Variants in OSBPL6 observed in about 807,000 individuals in gnomAD.
OSBPL6 encodes the protein oxysterol binding protein like 6.
Under a neutral mutation model 125.8 loss-of-function variants are expected in OSBPL6, and 49 were observed. That is an observed-to-expected ratio of 0.39 (90% CI 0.31 to 0.49). The LOEUF (loss-of-function observed/expected upper bound fraction) is 0.49, where lower values mean the gene tolerates loss of function less well. Ranked by LOEUF, OSBPL6 falls within the 20% of genes least tolerant of loss-of-function variation. The pLI, the probability that OSBPL6 is intolerant of heterozygous loss-of-function variation, is 0.88. For synonymous variants in OSBPL6, 394 were observed against 391.8 expected (o/e 1.01, Z -0.07); for missense variants, 986 against 1,135.4 (o/e 0.87, Z 1.89).
At position 178,399,111 on chromosome 2, in the gene OSBPL6, T is replaced by C. The variant is rs1696016345; in HGVS notation, c.*3552T>C. On this transcript the variant is annotated 3_prime_UTR_variant, in exon 25 of 25. Coordinates refer to ENST00000190611, the MANE Select transcript of OSBPL6 (RefSeq NM_032523.4). ...CAGTAAATAAAGTTTGTGTACAAAA[T>C]ACTAGTTTATTTCTATGGGAGCCAT... 1.3e-5 allele frequency: 2 copies of C among 152,120 alleles called. No individual in the cohort carries two copies. Among genetic ancestry groups the C allele is most frequent in the Admixed American group, 1.3e-4 (2 of 15,256 alleles). The allele number at this position is 152,120 out of a possible 1,614,324, so 9.4% of individuals were successfully genotyped here.
At position 178,395,963 on chromosome 2, in the gene OSBPL6, TC is replaced by T; in HGVS notation, c.*408del. On this transcript the variant is annotated 3_prime_UTR_variant, in exon 25 of 25. Coordinates refer to ENST00000190611, the MANE Select transcript of OSBPL6 (RefSeq NM_032523.4). ...ATTGTTCCACTGTCTGGAAGCACCATCCCCTATCGCAGGACTCCTGGGCCAC... is the reference window on the plus strand; with the variant it reads ...ATTGTTCCACTGTCTGGAAGCACCATCCCTATCGCAGGACTCCTGGGCCAC... 5.5e-6 allele frequency: 2 copies of T among 360,714 alleles called. No individual in the cohort carries two copies. Among genetic ancestry groups the T allele is most frequent in the South Asian group, 2.2e-5 (1 of 44,506 alleles). 22.3% of individuals were successfully genotyped at this position (360,714 alleles called of 1,614,324 possible).
At chr2:178,290,724 C>G (rs334622) in intron 2 of OSBPL6, among the ~76,000 whole-genome samples, 1 of 151,788 alleles carries the variant, frequency 6.6e-6, no homozygotes, top group Non-Finnish European at 1.5e-5. Flanking sequence ...TTCTAAGCAG[C>G]CTGGTTCTTT....
In OSBPL6 at chr2:178,347,479, G is replaced by A. The variant is rs1836204; in HGVS notation, c.988-1745G>A. ...TAATCTCCAGCAACTTTTCCATGGA[G>A]TCTGTGTCCCTCAATGGGCTGACTG... On this transcript the variant is annotated intron_variant, in intron 11 of 24. Coordinates refer to ENST00000190611, the MANE Select transcript of OSBPL6 (RefSeq NM_032523.4). Among the ~76,000 whole-genome samples, 193 of 152,242 alleles carry A rather than the reference G, an allele frequency of 1.3e-3. 1 individual carries two copies. The highest frequency in any genetic ancestry group is 4.5e-3 in the African/African-American group (188 of 41,536).
intron 1 of OSBPL6, among the ~76,000 whole-genome samples, chr2:178,211,528 T>A (rs562022526): frequency 6.6e-6 from 1 of 152,130 alleles, no homozygotes; most frequent in Admixed American, 6.5e-5. Flanking sequence ...CAGAGCAAGA[T>A]TGCTTCCGGC....
chr2:178,345,613 A>G (rs1469204874), intron 11 of OSBPL6, among the ~76,000 whole-genome samples: 4 of 152,238 alleles, frequency 2.6e-5, no homozygotes, highest in Non-Finnish European at 4.4e-5. Flanking sequence ...ATGTGGTAAC[A>G]GATTCTGACA....
intron 3 of OSBPL6, among the ~76,000 whole-genome samples, chr2:178,318,004 G>A (rs1687914140): frequency 6.6e-6 from 1 of 152,166 alleles, no homozygotes; most frequent in South Asian, 2.1e-4. Flanking sequence ...TCTGGTTGCT[G>A]TGGTTTCCTC....
chr2:178,226,678 G>A (rs1056271243), intron 1 of OSBPL6, among the ~76,000 whole-genome samples: 11 of 152,118 alleles, frequency 7.2e-5, no homozygotes, highest in African/African-American at 2.4e-4. Context: ...TATCTTTAAC[G>A]GATTCCTGCT....
In OSBPL6 at chr2:178,383,063, G is replaced by C. The variant is rs1167417423; in HGVS notation, c.1661G>C (p.Gly554Ala). Residue 554 changes from glycine to alanine, a missense_variant, in exon 17 of 25, where the codon GGG becomes GCG. By Grantham distance (60) the Gly-to-Ala change is moderately conservative. Transcript: ENST00000190611. ...CTTACAGGAGGGGCCTTCCGAAATG[G>C]GCGTCGAGCATGCCTGCCAGCTCCT... ...GELTGGAFRN[G>A]RRACLPAPCP... 1 of 1,614,148 alleles carries C rather than the reference G, an allele frequency of 6.2e-7. No individual in the cohort carries two copies. Among genetic ancestry groups the C allele is most frequent in the Admixed American group, 1.7e-5 (1 of 60,014 alleles).
intron 16 of OSBPL6, 57 bp from the exon 17 acceptor site, chr2:178,382,967 T>G: frequency 6.3e-7 from 1 of 1,582,190 alleles, no homozygotes; most frequent in Non-Finnish European, 8.6e-7. Flanking sequence ...TTTCCCTTCT[T>G]GATTTTGTGA....
chr2:178,324,130 G>A, intron 3 of OSBPL6, 47 bp from the exon 4 acceptor site: 1 of 1,252,790 alleles, frequency 8.0e-7, no homozygotes, highest in South Asian at 1.6e-5. Context: ...ACATTCACAT[G>A]AAAAGTGAGT....
chr2:178,316,792 A>G (rs1038264929), intron 3 of OSBPL6, among the ~76,000 whole-genome samples: 4 of 152,162 alleles, frequency 2.6e-5, no homozygotes, highest in Non-Finnish European at 5.9e-5. Flanking sequence ...TGCAAATACT[A>G]TGGCATTATG....
chr2:178,365,736 T>C (rs1692766394), intron 13 of OSBPL6, among the ~76,000 whole-genome samples: 1 of 152,180 alleles, frequency 6.6e-6, no homozygotes, highest in African/African-American at 2.4e-5. Flanking sequence ...CAAAAACATA[T>C]ATAATTCTAT....
intron 3 of OSBPL6, among the ~76,000 whole-genome samples, chr2:178,309,154 C>T (rs747164538): frequency 2.6e-5 from 4 of 152,052 alleles, no homozygotes; most frequent in South Asian, 2.1e-4. Context: ...CCTCAAAGAC[C>T]GGCTCATATG....
chr2:178,248,380 A>G (rs1336755889), intron 1 of OSBPL6, among the ~76,000 whole-genome samples: 1 of 152,250 alleles, frequency 6.6e-6, no homozygotes, highest in African/African-American at 2.4e-5. Context: ...AATATTTACA[A>G]ACTTAAAAGT....
At chr2:178,384,227 C>A (rs777586336) in intron 18 of OSBPL6, 51 bp downstream of exon 18, 11 of 1,575,850 alleles carry the variant, frequency 7.0e-6, no homozygotes, top group Non-Finnish European at 9.5e-6. Context: ...GAGGACAGTT[C>A]GGTGATGAAA....
chr2:178,207,099 G>A (rs7419749), intron 1 of OSBPL6, among the ~76,000 whole-genome samples: 61,273 of 152,048 alleles, frequency 0.4, 15,066 homozygotes, highest in East Asian at 0.67. Context: ...GTGGGTCCCT[G>A]CCTATAAAGG....
At position 178,391,060 on chromosome 2, in the gene OSBPL6, T is replaced by G. The variant is rs939857912; in HGVS notation, c.2302-13T>G. ...AGCCATCAAATGTCACAATTGGGGT[T>G]TGGTTTTTCCAGGTGAATTATTGGA... On this transcript the variant is annotated splice_polypyrimidine_tract_variant and intron_variant, in intron 21 of 24. Coordinates refer to ENST00000190611, the MANE Select transcript of OSBPL6 (RefSeq NM_032523.4). 3.7e-6 allele frequency: 6 copies of G among 1,612,714 alleles called. No individual in the cohort carries two copies. The African/African-American group carries it at 6.7e-5, about 18-fold the overall frequency.
At chr2:178,306,429 T>C in intron 3 of OSBPL6, 143 bp downstream of exon 3, 1 of 606,146 alleles carries the variant, frequency 1.6e-6, no homozygotes, top group Non-Finnish European at 3.0e-6. Context: ...TGTAGGTACG[T>C]TCATTGATGT....
At chr2:178,323,453 C>T (rs1220883464) in intron 3 of OSBPL6, 2 of 151,982 alleles carry the variant, frequency 1.3e-5, no homozygotes, top group African/African-American at 4.8e-5. Flanking sequence ...TGTGAAGGCT[C>T]TGGATTTTTA....
Sources: gnomAD v4.1 joint callset for allele counts (sites outside exome capture counted in the v4.1 genomes callset) on GRCh38, gnomAD v4.1.1 for gene constraint, MANE v1.5 for transcripts, NCBI Gene and HGNC (gene_info 2026-07-23, HGNC 2026-07-21) for gene names.